CREB3L2: variants seen among roughly 807,000 people sequenced by gnomAD.
CREB3L2 encodes the protein cAMP responsive element binding protein 3 like 2.
A neutral mutation model predicts 57.2 loss-of-function variants in CREB3L2; 23 were observed. The ratio of observed to expected loss-of-function variants is 0.40; its 90% CI spans 0.29 to 0.57. The LOEUF is 0.57. Ranked by LOEUF, CREB3L2 falls within the 20% of genes least tolerant of loss-of-function variation. The pLI, the probability that CREB3L2 is intolerant of heterozygous loss-of-function variation, is 0.42. For missense variants in CREB3L2, 628 were observed against 634.7 expected (o/e 0.99, Z 0.11); for synonymous variants, 268 against 265.1 (o/e 1.01, Z -0.11).
At chr7:137,912,061 T>C (rs905872923) in intron 4 of CREB3L2, among the ~76,000 whole-genome samples, 2 of 151,806 alleles carry the variant, frequency 1.3e-5, no homozygotes, top group Non-Finnish European at 2.9e-5. Context: ...GAAACTGACA[T>C]AGAGAAAGAT....
At chr7:137,913,498 C>A (rs1449051730) in intron 3 of CREB3L2, among the ~76,000 whole-genome samples, 1 of 122,562 alleles carries the variant, frequency 8.2e-6, no homozygotes, top group Admixed American at 9.8e-5. Flanking sequence ...CAGAGTGAGA[C>A]CCTATCTCAA....
At position 138,001,747 on chromosome 7, in the gene CREB3L2, A is replaced by C. The variant is rs1447862739; in HGVS notation, c.-42T>G. 6.9e-7 allele frequency: 1 copy of C among 1,459,010 alleles called. No individual in the cohort carries two copies. Among genetic ancestry groups the C allele is most frequent in the Admixed American group, 2.1e-5 (1 of 48,208 alleles). The allele number at this position is 1,459,010 out of a possible 1,614,324, so 90.4% of individuals were successfully genotyped here. On this transcript the variant is annotated 5_prime_UTR_variant, in exon 1 of 12. Transcript: ENST00000330387. This position sits in a 1 kb window ranked among gnomAD's most constrained non-coding sequence, Gnocchi z 4.2. ...CTGGGCCGAGGATGCTAAGCGCAGG[A>C]GGGGACGCGCAGAGCTGCCTCGGAC...
At chr7:137,950,994 T>C (rs1734506938) in intron 1 of CREB3L2, among the ~76,000 whole-genome samples, 1 of 152,224 alleles carries the variant, frequency 6.6e-6, no homozygotes, top group African/African-American at 2.4e-5. Context: ...AAATCAATAC[T>C]TGTGGCACTT....
At chr7:137,966,035 AC>A (rs1425905253) in intron 1 of CREB3L2, among the ~76,000 whole-genome samples, 1 of 152,120 alleles carries the variant, frequency 6.6e-6, no homozygotes, top group African/African-American at 2.4e-5. Context: ...CATAAAGCAC[AC>A]TCTGAGAACC....
intron 8 of CREB3L2, among the ~76,000 whole-genome samples, chr7:137,895,634 G>A (rs185814949): frequency 2.5e-4 from 4 of 16,130 alleles, no homozygotes; most frequent in African/African-American, 4.7e-4. Context: ...CTGCTGCTGA[G>A]TCCAGTACAA....
intron 8 of CREB3L2, among the ~76,000 whole-genome samples, chr7:137,885,777 G>A (rs1365218956): frequency 6.6e-6 from 1 of 152,206 alleles, no homozygotes; most frequent in Non-Finnish European, 1.5e-5. Context: ...ACCCCTGACA[G>A]GCTGTGGCTT....
chr7:137,953,707 AAT>A (rs1801147379), intron 1 of CREB3L2, among the ~76,000 whole-genome samples: 1 of 152,192 alleles, frequency 6.6e-6, no homozygotes, highest in Non-Finnish European at 1.5e-5. Context: ...AAGCAGCTGT[AAT>A]ATAGAAAAAA....
chr7:137,924,956 T>C (rs1163127603), intron 2 of CREB3L2, among the ~76,000 whole-genome samples: 1 of 152,214 alleles, frequency 6.6e-6, no homozygotes. Context: ...ATCTAAGAAA[T>C]GATATAATAA....
intron 2 of CREB3L2, chr7:137,922,879 C>G (rs1298610919): frequency 5.3e-6 from 1 of 189,034 alleles, no homozygotes; most frequent in Non-Finnish European, 1.1e-5. Context: ...AAATCTTGAA[C>G]AATTTTTTTA....
chr7:137,899,887 T>C (rs577905568), intron 8 of CREB3L2, among the ~76,000 whole-genome samples: 79 of 152,278 alleles, frequency 5.2e-4, no homozygotes, highest in African/African-American at 1.6e-3. Context: ...TTTGTTATTA[T>C]CAAATAACAT....
chr7:137,960,837 G>T, intron 1 of CREB3L2, among the ~76,000 whole-genome samples: 1 of 60,670 alleles, frequency 1.6e-5, no homozygotes, highest in East Asian at 4.2e-4. Flanking sequence ...TTTTGAGACA[G>T]AGTTTCACTC....
Position 137,915,913 on chromosome 7 carries a change from G to GGAACGAGT in CREB3L2, c.411_418dup (p.Pro140HisfsTer8). 1 of 1,614,154 alleles carries GGAACGAGT rather than the reference G, an allele frequency of 6.2e-7. No individual in the cohort carries two copies. Among genetic ancestry groups the GGAACGAGT allele is most frequent in the Non-Finnish European group, 8.5e-7 (1 of 1,180,002 alleles). The stretch of plus-strand genomic sequence containing the variant: ...GGCTGTGATGGTCAGAGTGACAGAC[G>GGAACGAGT]GAACGAGTCCTGGGGGTGGTTCGTC... On this transcript the variant is annotated frameshift_variant, in exon 3 of 12. Transcript: ENST00000330387. LOFTEE classifies it high-confidence loss of function.
chr7:137,887,170 A>G (rs1008610871), intron 8 of CREB3L2, among the ~76,000 whole-genome samples: 5 of 152,240 alleles, frequency 3.3e-5, no homozygotes, highest in African/African-American at 1.2e-4. Context: ...GCTTTCGCAG[A>G]TAACTTGCTT....
At chr7:137,899,057 A>G (rs1007762920) in intron 8 of CREB3L2, among the ~76,000 whole-genome samples, 2 of 147,852 alleles carry the variant, frequency 1.4e-5, no homozygotes, top group Non-Finnish European at 3.0e-5. Context: ...GAAAGAAAGA[A>G]AAAGAAAGAG....
Position 137,946,844 on chromosome 7 carries a change from CTATATAGTTATCTATATAGTTATA to C in CREB3L2, c.103-18502_103-18479del, listed in dbSNP as rs1563262260. 2.0e-3 allele frequency among the ~76,000 whole-genome samples: 57 copies of C among 28,886 alleles called. 9 individuals are homozygous for C. The highest frequency in any genetic ancestry group is 2.3e-3 in the Non-Finnish European group (38 of 16,492). The allele number at this position is 28,886 out of a possible 152,430, so 19.0% of individuals were successfully genotyped here. On this transcript the variant is annotated intron_variant, in intron 1 of 11. Transcript: ENST00000330387. ...TATATAGTTATCTATATATAGTTAT[CTATATAGTTATCTATATAGTTATA>C]TATATAGTTATCTATATAGTTATAT... is the stretch of plus-strand genomic sequence containing the variant.
At chr7:137,950,530 C>G (rs1801074931) in intron 1 of CREB3L2, among the ~76,000 whole-genome samples, 1 of 152,190 alleles carries the variant, frequency 6.6e-6, no homozygotes, top group South Asian at 2.1e-4. Flanking sequence ...TGCTTCTGAG[C>G]TACTCCGTAG....
In CREB3L2 at chr7:137,928,348, C is replaced by A. The variant is rs1800529146; in HGVS notation, c.121G>T (p.Asp41Tyr). The change falls in exon 2 of 12, where the codon GAT (aspartate) becomes TAT (tyrosine). Residue 41 changes from aspartate to tyrosine, a missense_variant. Asp to Tyr is a radical substitution (Grantham distance 160). Transcript: ENST00000330387. ...CCCAAGACGTTCTGGGAAAACTCAT[C>A]CAGAAGTTCTGAGAAGTGCTACAAG... ...MYHTHFSELL[D>Y]EFSQNVLGQL... The A allele has an allele frequency of 6.2e-7, 1 of 1,613,794 alleles. No homozygotes were observed. The highest frequency in any genetic ancestry group is 8.5e-7 in the Non-Finnish European group (1 of 1,179,928).
At chr7:137,964,081 G>A (rs1036074241) in intron 1 of CREB3L2, among the ~76,000 whole-genome samples, 3 of 152,170 alleles carry the variant, frequency 2.0e-5, no homozygotes, top group Non-Finnish European at 2.9e-5. Flanking sequence ...TTGGGAGGTC[G>A]TGGCGGGCGG....
chr7:137,980,627 C>T lies in CREB3L2; in HGVS notation c.102+20977G>A, dbSNP rs1801697439. ...AAAATCAGGCCTACTTTCAGACTTC[C>T]CCAACCAGTGGCCCAGGCTCCTAAA... On this transcript the variant is annotated intron_variant, in intron 1 of 11. Coordinates refer to ENST00000330387, the MANE Select transcript of CREB3L2 (RefSeq NM_194071.4). This position sits in a 1 kb window ranked among gnomAD's most constrained non-coding sequence, Gnocchi z 4.3. Among the ~76,000 whole-genome samples, 2 of 152,202 alleles carry T rather than the reference C, an allele frequency of 1.3e-5. No homozygotes were observed. Among genetic ancestry groups the T allele is most frequent in the South Asian group, 2.1e-4 (1 of 4,826 alleles).
Sources: gnomAD v4.1 joint callset for allele counts (sites outside exome capture counted in the v4.1 genomes callset) on GRCh38, gnomAD v4.1.1 for gene constraint, Gnocchi (gnomAD v3.1) non-coding constraint, MANE v1.5 for transcripts, NCBI Gene and HGNC (gene_info 2026-07-23, HGNC 2026-07-21) for gene names.